Variants in LHFPL4 observed in about 807,000 individuals in gnomAD.
LHFPL4 encodes the protein LHFPL tetraspan subfamily member 4 protein.
In LHFPL4, 6 loss-of-function variants were observed where a neutral mutation model predicts 20.0. The ratio of observed to expected loss-of-function variants is 0.30; its 90% CI spans 0.16 to 0.59. LHFPL4 has a LOEUF of 0.59. LHFPL4 is among the 20% of genes least tolerant of loss of function. LHFPL4 has a pLI of 0.88. For synonymous variants in LHFPL4, 129 were observed against 143.8 expected, an observed-to-expected ratio of 0.90 and a Z score of 0.74; for missense variants, 215 against 331.2, an observed-to-expected ratio of 0.65 and a Z score of 2.72.
chr3:9,519,733 C>A (rs1352045464), intron 2 of LHFPL4, among the ~76,000 whole-genome samples: 1 of 151,866 alleles, frequency 6.6e-6, no homozygotes, highest in South Asian at 2.1e-4. Context: ...TAATTTTTTT[C>A]GTTAGAGATG....
chr3:9,537,945 C>A (rs1439211454), intron 2 of LHFPL4, among the ~76,000 whole-genome samples: 1 of 152,082 alleles, frequency 6.6e-6, no homozygotes, highest in African/African-American at 2.4e-5. Flanking sequence ...CCCATAAGAA[C>A]CTCAAAATCA....
intron 2 of LHFPL4, among the ~76,000 whole-genome samples, chr3:9,532,566 T>C (rs895580361): frequency 6.6e-6 from 1 of 151,998 alleles, no homozygotes; most frequent in East Asian, 1.9e-4. Context: ...CTCAAACTCT[T>C]GGCCTCAAGC....
intron 3 of LHFPL4, among the ~76,000 whole-genome samples, chr3:9,503,965 G>A (rs2046197490): frequency 6.6e-6 from 1 of 152,168 alleles, no homozygotes; most frequent in Admixed American, 6.5e-5. Context: ...GTTTGAGGCT[G>A]CAGTGAGCTA....
At chr3:9,539,220 G>A (rs1198173946) in intron 2 of LHFPL4, among the ~76,000 whole-genome samples, 1 of 152,066 alleles carries the variant, frequency 6.6e-6, no homozygotes, top group Non-Finnish European at 1.5e-5. Context: ...TTGGGAGGCT[G>A]AGGTGAGTGG....
At chr3:9,504,029 A>G (rs1404679980) in intron 3 of LHFPL4, among the ~76,000 whole-genome samples, 6 of 151,516 alleles carry the variant, frequency 4.0e-5, no homozygotes, top group Non-Finnish European at 8.8e-5. Context: ...CCCTCCCCCA[A>G]TCTCTTAAAA....
intron 2 of LHFPL4, among the ~76,000 whole-genome samples, chr3:9,523,108 A>G (rs199680955): frequency 0.43 from 54,141 of 127,388 alleles, 13,132 homozygotes; most frequent in Non-Finnish European, 0.49. Flanking sequence ...GAGAGAGAGA[A>G]AGCAAGCAAG....
intron 2 of LHFPL4, among the ~76,000 whole-genome samples, chr3:9,524,268 G>A (rs1306046530): frequency 6.6e-6 from 1 of 151,060 alleles, no homozygotes; most frequent in East Asian, 1.9e-4. Context: ...TGAGCTTCTT[G>A]GATGTATGGT....
intron 2 of LHFPL4, among the ~76,000 whole-genome samples, chr3:9,546,105 G>C (rs957902463): frequency 3.3e-5 from 5 of 151,982 alleles, no homozygotes; most frequent in Admixed American, 3.3e-4. Context: ...CTTGAGGTCA[G>C]CAGTTCGAGA....
intron 2 of LHFPL4, among the ~76,000 whole-genome samples, chr3:9,510,032 C>T (rs2046246926): frequency 6.6e-6 from 1 of 152,216 alleles, no homozygotes; most frequent in Non-Finnish European, 1.5e-5. Flanking sequence ...AGCCTCAATG[C>T]TTTTGACATT....
intron 2 of LHFPL4, among the ~76,000 whole-genome samples, chr3:9,529,441 C>T (rs1414222642): frequency 1.3e-5 from 2 of 152,098 alleles, no homozygotes; most frequent in Admixed American, 1.3e-4. Flanking sequence ...GCAGCTATAG[C>T]CTTTCAAAAT....
intron 2 of LHFPL4, among the ~76,000 whole-genome samples, chr3:9,524,251 T>A (rs1381542919): frequency 6.6e-6 from 1 of 151,852 alleles, no homozygotes; most frequent in African/African-American, 2.4e-5. Flanking sequence ...TCCTGCATGG[T>A]GTTCTCTGAG....
At chr3:9,544,650 A>G (rs957873266) in intron 2 of LHFPL4, among the ~76,000 whole-genome samples, 2 of 152,062 alleles carry the variant, frequency 1.3e-5, no homozygotes, top group East Asian at 3.9e-4. Flanking sequence ...ACAAACAAAA[A>G]CAAATAAAGT....
At chr3:9,534,790 A>G (rs572723808) in intron 2 of LHFPL4, among the ~76,000 whole-genome samples, 1 of 152,200 alleles carries the variant, frequency 6.6e-6, no homozygotes, top group Non-Finnish European at 1.5e-5. Flanking sequence ...TATAGAAATC[A>G]TGGATTAATC....
At chr3:9,508,921 G>A (rs56403866) in intron 2 of LHFPL4, among the ~76,000 whole-genome samples, 1,913 of 152,248 alleles carry the variant, frequency 0.013, 35 homozygotes, top group African/African-American at 0.044. Context: ...CCAAGAAGGG[G>A]GCAAACCCAC....
In LHFPL4 at chr3:9,552,549, G is replaced by T; in HGVS notation, c.131C>A (p.Pro44His). The T allele has an allele frequency of 6.2e-7, 1 of 1,614,002 alleles. No individual in the cohort carries two copies. The highest frequency in any genetic ancestry group is 8.5e-7 in the Non-Finnish European group (1 of 1,179,988). The change falls in exon 2 of 4, where the codon CCC (proline) becomes CAC (histidine). Residue 44 changes from proline to histidine, a missense_variant. Physicochemically the swap from Pro to His is moderately conservative, Grantham distance 77. Transcript: ENST00000287585. ...GCTCACGCTGTCGCCCACCCAGTAG[G>T]GCTGGATGAAGACCACCACGTTGAT... is the stretch of plus-strand genomic sequence containing the variant. ...AIINVVVFIQ[P>H]YWVGDSVSTP...
At chr3:9,541,425 C>A (rs1279385535) in intron 2 of LHFPL4, among the ~76,000 whole-genome samples, 1 of 152,116 alleles carries the variant, frequency 6.6e-6, no homozygotes, top group East Asian at 1.9e-4. Flanking sequence ...TAGCCACATG[C>A]AAAAGAATGA....
chr3:9,509,332 T>G (rs1439431355), intron 2 of LHFPL4, among the ~76,000 whole-genome samples: 3 of 151,234 alleles, frequency 2.0e-5, no homozygotes, highest in African/African-American at 7.3e-5. Context: ...ATTTAGATCT[T>G]TCAGCACTTA....
Position 9,523,274 on chromosome 3 carries a change from G to A in LHFPL4, c.407-17071C>T, listed in dbSNP as rs1288289331. On this transcript the variant is annotated intron_variant, in intron 2 of 3. Transcript: ENST00000287585. ...GGCATGGCTGTAGTCCCAGCTACTC[G>A]GGAGGCTGAGGCAGGAGAATCGCTT... is the stretch of plus-strand genomic sequence containing the variant. 3.3e-5 allele frequency among the ~76,000 whole-genome samples: 5 copies of A among 150,606 alleles called. 1 individual carries two copies. The South Asian group carries it at 6.3e-4, about 19-fold the overall frequency.
At chr3:9,537,726 A>G (rs2046452161) in intron 2 of LHFPL4, among the ~76,000 whole-genome samples, 4 of 152,020 alleles carry the variant, frequency 2.6e-5, no homozygotes, top group African/African-American at 9.6e-5. Context: ...CTCCTGTCTC[A>G]CAGTTAGTTT....
Sources: allele counts gnomAD v4.1 joint callset (sites outside exome capture counted in the v4.1 genomes callset), GRCh38; gene constraint gnomAD v4.1.1; transcripts MANE v1.5; gene names NCBI Gene and HGNC (gene_info 2026-07-23, HGNC 2026-07-21).